Variants in RYR2 observed in about 807,000 individuals in gnomAD.
RYR2 encodes the protein cardiac muscle ryanodine receptor-calcium release channel.
RYR2 carries 227 observed loss-of-function variants against 601.1 expected under a neutral mutation model. The ratio of observed to expected loss-of-function variants is 0.38; its 90% CI spans 0.34 to 0.42. RYR2 has a LOEUF of 0.42. Among genes scored for constraint, RYR2 ranks in the 10% least tolerant of loss-of-function variants. RYR2 has a pLI of 1.00. For synonymous variants in RYR2, 2,223 were observed against 2,175.1 expected (o/e 1.02, Z -0.61); for missense variants, 4,646 against 6,156.5 (o/e 0.75, Z 8.21).
rs9701172 is a variant in RYR2, at chr1:237,606,148, T to G, written c.4683+4037T>G. Among the ~76,000 whole-genome samples, 243 of 151,362 alleles carry G rather than the reference T, an allele frequency of 1.6e-3. 1 individual carries two copies. The highest frequency in any genetic ancestry group is 5.2e-3 in the African/African-American group (216 of 41,268). Reference sequence around the variant, plus strand: ...CAAAAGAACAAAGCTGGAGGCATCATGCTACCTGACTTCAAACTATACTAC... The same window carrying G: ...CAAAAGAACAAAGCTGGAGGCATCAGGCTACCTGACTTCAAACTATACTAC... On this transcript the variant is annotated intron_variant, in intron 35 of 104. Transcript: ENST00000366574.
At chr1:237,615,982 AG>A (rs1482443233) in intron 37 of RYR2, among the ~76,000 whole-genome samples, 1 of 151,220 alleles carries the variant, frequency 6.6e-6, no homozygotes, top group African/African-American at 2.5e-5. Context: ...AGCCCAGCAA[AG>A]GTCCTGAGGC....
At chr1:237,057,425 T>A (rs948942448) in intron 1 of RYR2, among the ~76,000 whole-genome samples, 5 of 152,112 alleles carry the variant, frequency 3.3e-5, no homozygotes, top group Non-Finnish European at 7.4e-5. Context: ...GACCTTGTGA[T>A]CCACCCACCT....
At chr1:237,107,737 C>T (rs887080427) in intron 1 of RYR2, among the ~76,000 whole-genome samples, 4 of 152,048 alleles carry the variant, frequency 2.6e-5, no homozygotes, top group Non-Finnish European at 4.4e-5. Flanking sequence ...CGTCTGGACA[C>T]TTGAGGTGGA....
At chr1:237,442,021 A>T (rs1707951884) in intron 13 of RYR2, among the ~76,000 whole-genome samples, 1 of 152,230 alleles carries the variant, frequency 6.6e-6, no homozygotes. Context: ...CTGAAACCAT[A>T]GTAGGTGCTC....
At chr1:237,159,936 G>C (rs13374546) in intron 1 of RYR2, among the ~76,000 whole-genome samples, 2,118 of 152,226 alleles carry the variant, frequency 0.014, 51 homozygotes, top group African/African-American at 0.047. Flanking sequence ...CCACCTTATA[G>C]TATGTATTAA....
At chr1:237,797,975 C>T (rs1033466305) in intron 96 of RYR2, 62 bp from the exon 97 acceptor site, 8 of 1,415,834 alleles carry the variant, frequency 5.7e-6, no homozygotes, top group Non-Finnish European at 7.8e-6. Context: ...GTTTTATACA[C>T]ACATATAGAT....
intron 1 of RYR2, among the ~76,000 whole-genome samples, chr1:237,093,004 C>A (rs961242936): frequency 6.6e-6 from 1 of 152,154 alleles, no homozygotes; most frequent in Non-Finnish European, 1.5e-5. Context: ...ACAGTGCTGT[C>A]CCGTAGAACT....
chr1:237,527,914 G>A (rs918039247), intron 24 of RYR2, among the ~76,000 whole-genome samples: 4 of 152,066 alleles, frequency 2.6e-5, no homozygotes, highest in African/African-American at 4.8e-5. Flanking sequence ...GAAATCTCAC[G>A]CCCTGCTACT....
At chr1:237,451,213 A>T (rs1182196396) in intron 14 of RYR2, among the ~76,000 whole-genome samples, 1 of 152,148 alleles carries the variant, frequency 6.6e-6, no homozygotes, top group African/African-American at 2.4e-5. Flanking sequence ...AGAGTAAACT[A>T]TATTGTATTC....
At chr1:237,074,600 A>G (rs1664775286) in intron 1 of RYR2, among the ~76,000 whole-genome samples, 1 of 152,152 alleles carries the variant, frequency 6.6e-6, no homozygotes, top group African/African-American at 2.4e-5. Flanking sequence ...GCCCAGACAT[A>G]TTCATGATGT....
intron 25 of RYR2, 145 bp from the exon 26 acceptor site, chr1:237,548,286 C>A: frequency 2.7e-6 from 2 of 730,208 alleles, no homozygotes; most frequent in South Asian, 4.3e-5. Context: ...TGAAAGGAAC[C>A]TAGGCTTGCT....
chr1:237,045,869 GTTTTTTTTT>G (rs768636054), intron 1 of RYR2, among the ~76,000 whole-genome samples: 12 of 56,922 alleles, frequency 2.1e-4, no homozygotes, highest in Non-Finnish European at 3.0e-4. Context: ...CTTGGTCAAG[GTTTTTTTTT>G]TTTTTTTTTT....
intron 98 of RYR2, among the ~76,000 whole-genome samples, chr1:237,805,321 C>T (rs1039848194): frequency 6.6e-6 from 1 of 152,048 alleles, no homozygotes; most frequent in African/African-American, 2.4e-5. Context: ...TGGCTCACGC[C>T]TGTAATCCCA....
chr1:237,292,145 G>A lies in RYR2; in HGVS notation c.168+21529G>A, dbSNP rs556634101. 1.7e-3 allele frequency among the ~76,000 whole-genome samples: 266 copies of A among 152,220 alleles called. 1 individual carries two copies. Among genetic ancestry groups the A allele is most frequent in the Middle Eastern group, 0.017 (5 of 294 alleles). On this transcript the variant is annotated intron_variant, in intron 2 of 104. Transcript: ENST00000366574. ...ACCAACAAGAGATCCCTAAATGTTC[G>A]GCAGTAGAGAAATTGATAAAGTATA...
intron 1 of RYR2, among the ~76,000 whole-genome samples, chr1:237,255,097 A>G (rs1425862092): frequency 6.6e-6 from 1 of 152,202 alleles, no homozygotes; most frequent in East Asian, 1.9e-4. Flanking sequence ...TAAGTGAGCA[A>G]TCTTCAATGC....
intron 97 of RYR2, among the ~76,000 whole-genome samples, chr1:237,800,763 G>A (rs1018180708): frequency 1.3e-5 from 2 of 152,076 alleles, no homozygotes; most frequent in Non-Finnish European, 2.9e-5. Context: ...TTTAATATAC[G>A]TGTTTGTAAT....
intron 1 of RYR2, among the ~76,000 whole-genome samples, chr1:237,090,046 T>C (rs2148454647): frequency 6.6e-6 from 1 of 152,296 alleles, no homozygotes; most frequent in Non-Finnish European, 1.5e-5. Context: ...GGAGAGAGAA[T>C]GAGTGCTGAG....
At chr1:237,285,603 C>T (rs1315588539) in intron 2 of RYR2, among the ~76,000 whole-genome samples, 1 of 152,016 alleles carries the variant, frequency 6.6e-6, no homozygotes, top group African/African-American at 2.4e-5. Flanking sequence ...ATATGGGTAC[C>T]AATTCTTCTT....
chr1:237,255,850 T>TGG (rs1306199275), intron 1 of RYR2, among the ~76,000 whole-genome samples: 1 of 151,530 alleles, frequency 6.6e-6, no homozygotes, highest in East Asian at 1.9e-4. Context: ...TGTGTGTGTG[T>TGG]GTGTGTGTGT....
Sources: allele counts gnomAD v4.1 joint callset (sites outside exome capture counted in the v4.1 genomes callset), GRCh38; gene constraint gnomAD v4.1.1; transcripts MANE v1.5; gene names NCBI Gene and HGNC (gene_info 2026-07-23, HGNC 2026-07-21).